Variants in CYP4B1 observed in about 807,000 individuals in gnomAD.
The protein encoded by CYP4B1 is cytochrome P450 family 4 subfamily B member 1, also known as cytochrome P450 4B1.
Under a neutral mutation model 54.0 loss-of-function variants are expected in CYP4B1, and 45 were observed. The ratio of observed to expected loss-of-function variants is 0.83; its 90% CI spans 0.66 to 1.07. The LOEUF (loss-of-function observed/expected upper bound fraction) is 1.07, where lower values mean the gene tolerates loss of function less well. Ranked by LOEUF, CYP4B1 falls within the 50% of genes least tolerant of loss-of-function variation. CYP4B1 has a pLI of 0.00. For missense variants in CYP4B1, 656 were observed against 655.4 expected, an observed-to-expected ratio of 1.00 and a Z score of -0.01; for synonymous variants, 248 against 247.5, an observed-to-expected ratio of 1.00 and a Z score of -0.02.
chr1:46,806,191 C>T (rs2148399057), intron 1 of CYP4B1, among the ~76,000 whole-genome samples: 2 of 152,358 alleles, frequency 1.3e-5, no homozygotes, highest in South Asian at 4.1e-4. Context: ...GCTGGGCAGG[C>T]ACCCTGTGTG....
intron 5 of CYP4B1, 46 bp from the exon 6 acceptor site, chr1:46,813,863 C>T: frequency 2.5e-6 from 4 of 1,603,424 alleles, no homozygotes; most frequent in Non-Finnish European, 3.4e-6. Context: ...TGGCTCTGCT[C>T]CTGGGCCAGT....
Position 46,817,037 on chromosome 1 carries a change from G to T in CYP4B1, c.1074-11G>T. The T allele has an allele frequency of 2.5e-6, 4 of 1,613,322 alleles. No homozygotes were observed. Among genetic ancestry groups the T allele is most frequent in the Non-Finnish European group, 3.4e-6 (4 of 1,179,396 alleles). On this transcript the variant is annotated splice_polypyrimidine_tract_variant and intron_variant, in intron 8 of 11. Transcript: ENST00000371923. ...CCCATTCCAAGAATGTTCTGGTTGT[G>T]TTGCTGGCAGGGATGATCTGGGCAA... is the stretch of plus-strand genomic sequence containing the variant.
intron 1 of CYP4B1, among the ~76,000 whole-genome samples, chr1:46,801,542 G>A (rs1215652091): frequency 1.3e-5 from 2 of 151,906 alleles, no homozygotes; most frequent in Non-Finnish European, 2.9e-5. Context: ...CTTGGCATCA[G>A]GTTGAGCAGA....
intron 1 of CYP4B1, among the ~76,000 whole-genome samples, chr1:46,801,846 A>G (rs1043312665): frequency 2.0e-5 from 3 of 152,194 alleles, no homozygotes; most frequent in Non-Finnish European, 2.9e-5. Flanking sequence ...GTCAGACCAT[A>G]AAAGGTTACT....
intron 1 of CYP4B1, among the ~76,000 whole-genome samples, chr1:46,805,038 G>C (rs1328519520): frequency 1.3e-5 from 2 of 152,082 alleles, no homozygotes; most frequent in Non-Finnish European, 2.9e-5. Flanking sequence ...GCTTTGTCTT[G>C]CTCACCACTG....
chr1:46,799,676 A>C (rs1340672053), intron 1 of CYP4B1, among the ~76,000 whole-genome samples: 4 of 152,244 alleles, frequency 2.6e-5, no homozygotes, highest in African/African-American at 9.6e-5. Context: ...TTCCATTTGT[A>C]AGGCAGGAAA....
Position 46,799,283 on chromosome 1 carries a change from G to A in CYP4B1, c.180+22G>A, listed in dbSNP as rs755998147. On this transcript the variant is annotated intron_variant, in intron 1 of 11. Coordinates refer to ENST00000371923, the MANE Select transcript of CYP4B1 (RefSeq NM_001099772.2). The stretch of plus-strand genomic sequence containing the variant: ...CGAGGTATGTGGAGGTCGGGAGGGT[G>A]GGGGAGAAAGAAAACATCCTCCCTC... The A allele has an allele frequency of 3.2e-6, 5 of 1,559,166 alleles. No individual in the cohort carries two copies. In the South Asian group the frequency reaches 3.5e-5, roughly 11 times the overall value.
At chr1:46,799,853 G>C (rs890830515) in intron 1 of CYP4B1, among the ~76,000 whole-genome samples, 2 of 152,230 alleles carry the variant, frequency 1.3e-5, no homozygotes, top group African/African-American at 4.8e-5. Context: ...TTACTCCAGG[G>C]TGGGAACCAC....
intron 3 of CYP4B1, 76 bp downstream of exon 3, chr1:46,811,260 C>A: frequency 6.8e-7 from 1 of 1,466,540 alleles, no homozygotes; most frequent in South Asian, 1.1e-5. Context: ...CTGGCCTGTC[C>A]CACTCAATTG....
At chr1:46,805,464 C>T (rs1678822078) in intron 1 of CYP4B1, among the ~76,000 whole-genome samples, 2 of 152,214 alleles carry the variant, frequency 1.3e-5, no homozygotes, top group Admixed American at 1.3e-4. Flanking sequence ...AGTCTCTTTG[C>T]TCCTTCTATT....
At chr1:46,815,933 C>A (rs1018383991) in intron 8 of CYP4B1, among the ~76,000 whole-genome samples, 6 of 152,158 alleles carry the variant, frequency 3.9e-5, no homozygotes, top group Non-Finnish European at 7.3e-5. Context: ...TCTCTCTGGG[C>A]TCCTGAGCAG....
intron 11 of CYP4B1, 72 bp from the exon 12 acceptor site, chr1:46,818,559 C>A: frequency 6.8e-7 from 1 of 1,473,006 alleles, no homozygotes; most frequent in Non-Finnish European, 9.4e-7. Context: ...CTTTTGTTGG[C>A]TGCTAAGAGC....
chr1:46,811,589 G>A (rs910383882), intron 3 of CYP4B1, among the ~76,000 whole-genome samples: 3 of 152,218 alleles, frequency 2.0e-5, no homozygotes, highest in African/African-American at 7.2e-5. Flanking sequence ...TGGCTACAAG[G>A]CAGAGCCCAG....
chr1:46,809,688 A>G (rs1390318249), intron 1 of CYP4B1, among the ~76,000 whole-genome samples: 1 of 152,208 alleles, frequency 6.6e-6, no homozygotes, highest in African/African-American at 2.4e-5. Context: ...CAGAGCTTGG[A>G]CCTTTTCCAA....
intron 1 of CYP4B1, among the ~76,000 whole-genome samples, chr1:46,809,746 T>G (rs1679021614): frequency 6.6e-6 from 1 of 152,174 alleles, no homozygotes; most frequent in Non-Finnish European, 1.5e-5. Flanking sequence ...TTTGAAAGAC[T>G]CCCACTAAAT....
At chr1:46,817,649 C>T (rs1679389152) in intron 9 of CYP4B1, among the ~76,000 whole-genome samples, 1 of 152,168 alleles carries the variant, frequency 6.6e-6, no homozygotes, top group Non-Finnish European at 1.5e-5. Flanking sequence ...TAATAACTTC[C>T]CAAGAGTCAG....
At position 46,800,213 on chromosome 1, in the gene CYP4B1, T is replaced by TTTCTCTC. The variant is rs1557484425; in HGVS notation, c.180+953_180+954insTCTCTCT. The stretch of plus-strand genomic sequence containing the variant: ...TCTTTCTTTCTCTTTCTTTCTTTCT[T>TTTCTCTC]TCTCTTTCTCTCTTTCTTTCTTTCT... On this transcript the variant is annotated intron_variant, in intron 1 of 11. Coordinates refer to ENST00000371923, the MANE Select transcript of CYP4B1 (RefSeq NM_001099772.2). 0.013 allele frequency among the ~76,000 whole-genome samples: 310 copies of TTTCTCTC among 24,610 alleles called. 32 individuals are homozygous for TTTCTCTC. In the East Asian group the frequency reaches 0.35, roughly 28 times the overall value. The allele number at this position is 24,610 out of a possible 152,430, so 16.1% of individuals were successfully genotyped here. A position where few individuals can be genotyped will look rare whatever the true frequency, so the allele number is the denominator to read the frequency against.
chr1:46,810,175 C>G (rs1186632111), intron 1 of CYP4B1, among the ~76,000 whole-genome samples: 1 of 152,240 alleles, frequency 6.6e-6, no homozygotes, highest in Non-Finnish European at 1.5e-5. Context: ...TTGTCTCCAA[C>G]AAGAAGCCTT....
chr1:46,814,273 C>A lies in CYP4B1; in HGVS notation c.840C>A (p.Asn280Lys), dbSNP rs559516007. 1 of 1,614,166 alleles carries A rather than the reference C, an allele frequency of 6.2e-7. No homozygotes were observed. The highest frequency in any genetic ancestry group is 1.1e-5 in the South Asian group (1 of 91,082). Residue 280 changes from asparagine (N) to lysine (K), a missense_variant, in exon 7 of 12, where the codon AAC becomes AAA. Transcript: ENST00000371923. ...QDEKVRKKIQ[N>K]RRHLDFLDIL... ...AGAAGGTGCGGAAGAAGATCCAGAA[C>A]CGGAGGCACCTGGACTTCCTGGACA... is the stretch of plus-strand genomic sequence containing the variant.
Sources: allele counts gnomAD v4.1 joint callset (sites outside exome capture counted in the v4.1 genomes callset), GRCh38; gene constraint gnomAD v4.1.1; transcripts MANE v1.5; gene names NCBI Gene and HGNC (gene_info 2026-07-23, HGNC 2026-07-21).